The following THSD7A variants were observed in gnomAD, a reference collection of about 807,000 sequenced individuals.
The protein encoded by THSD7A is thrombospondin type-1 domain-containing protein 7A.
A neutral mutation model predicts 231.3 loss-of-function variants in THSD7A; 96 were observed. The ratio of observed to expected loss-of-function variants is 0.41; its 90% CI spans 0.35 to 0.49. THSD7A has a LOEUF of 0.49. Among genes scored for constraint, THSD7A ranks in the 20% least tolerant of loss-of-function variants. The pLI, the probability that THSD7A is intolerant of heterozygous loss-of-function variation, is 0.05. For synonymous variants in THSD7A, 940 were observed against 743.3 expected (o/e 1.26, Z -4.30); for missense variants, 2,290 against 2,070.2 (o/e 1.11, Z -2.06).
At chr7:11,482,835 G>A (rs932467452) in intron 6 of THSD7A, among the ~76,000 whole-genome samples, 6 of 152,100 alleles carry the variant, frequency 3.9e-5, no homozygotes, top group African/African-American at 9.7e-5. Context: ...TGCTGAATGC[G>A]TGAAATGAGA....
chr7:11,828,568 G>A (rs1030717257), intron 1 of THSD7A, among the ~76,000 whole-genome samples: 2 of 152,204 alleles, frequency 1.3e-5, no homozygotes, highest in Admixed American at 1.3e-4. Flanking sequence ...ATCTCCTAAA[G>A]CCTGTAATCA....
Position 11,370,720 on chromosome 7 carries a change from T to C in THSD7A, c.*5074A>G, listed in dbSNP as rs1016298351. On this transcript the variant is annotated 3_prime_UTR_variant, in exon 28 of 28. Transcript: ENST00000423059. The stretch of plus-strand genomic sequence containing the variant: ...CCTCCTTATTTAAACAAAATAAATA[T>C]TCAGGTAGTTAAATTAACATAAAAT... 2.0e-5 allele frequency: 3 copies of C among 152,124 alleles called. No individual in the cohort carries two copies. Among genetic ancestry groups the C allele is most frequent in the Non-Finnish European group, 4.4e-5 (3 of 67,990 alleles). 9.4% of individuals were successfully genotyped at this position (152,124 alleles called of 1,614,324 possible). A position where few individuals can be genotyped will look rare whatever the true frequency, so the allele number is the denominator to read the frequency against.
At position 11,406,657 on chromosome 7, in the gene THSD7A, A is replaced by G. The variant is rs1477821412; in HGVS notation, c.4063-183T>C. ...GCATACATTGAACAATTTGTTTCCT[A>G]GCTAAAGACAGGAAAATAAATTTTC... On this transcript the variant is annotated intron_variant, in intron 21 of 27. Transcript: ENST00000423059. This position sits in a 1 kb window ranked among gnomAD's most constrained non-coding sequence, Gnocchi z 4.7. Among the ~76,000 whole-genome samples, 3 of 152,244 alleles carry G rather than the reference A, an allele frequency of 2.0e-5. No homozygotes were observed. Among genetic ancestry groups the G allele is most frequent in the Admixed American group, 6.5e-5 (1 of 15,288 alleles).
chr7:11,782,806 T>G (rs182078460), intron 1 of THSD7A, among the ~76,000 whole-genome samples: 162 of 152,308 alleles, frequency 1.1e-3, no homozygotes, highest in African/African-American at 3.8e-3. Context: ...TTAGGGACTT[T>G]GCAATTTTTC....
intron 1 of THSD7A, among the ~76,000 whole-genome samples, chr7:11,691,410 G>T (rs1333306910): frequency 1.3e-5 from 2 of 151,444 alleles, no homozygotes; most frequent in African/African-American, 4.8e-5. Context: ...TGTTAGTGGA[G>T]ACTTCTTGAT....
At position 11,735,289 on chromosome 7, in the gene THSD7A, G is replaced by A. The variant is rs565963390; in HGVS notation, c.190+96468C>T. Among the ~76,000 whole-genome samples, 3 of 151,866 alleles carry A rather than the reference G, an allele frequency of 2.0e-5. No individual in the cohort carries two copies. The East Asian group carries it at 5.8e-4, about 30-fold the overall frequency. On this transcript the variant is annotated intron_variant, in intron 1 of 27. Transcript: ENST00000423059. ...ACATTTTACCCGTATATTAAAGAGA[G>A]GAGGGAACAATATAATTACAGGTTG...
intron 1 of THSD7A, among the ~76,000 whole-genome samples, chr7:11,674,255 GC>G (rs1783542875): frequency 6.6e-6 from 1 of 151,992 alleles, no homozygotes; most frequent in African/African-American, 2.4e-5. Context: ...CATCTCTCAC[GC>G]CCTGCCTCCC....
At chr7:11,445,650 T>C (rs1784943663) in intron 13 of THSD7A, among the ~76,000 whole-genome samples, 1 of 152,034 alleles carries the variant, frequency 6.6e-6, no homozygotes, top group African/African-American at 2.4e-5. Context: ...ATCTTGCCAG[T>C]TTAGGTGTTA....
At position 11,426,682 on chromosome 7, in the gene THSD7A, G is replaced by A; in HGVS notation, c.3244-11C>T. ...AGTTCTTACCTGTGCCTGGAGTGGT[G>A]TTCAACAGGAATGATGAAAAGGGAG... On this transcript the variant is annotated splice_polypyrimidine_tract_variant and intron_variant, in intron 14 of 27. Coordinates refer to ENST00000423059, the MANE Select transcript of THSD7A (RefSeq NM_015204.3). 1 of 1,561,200 alleles carries A rather than the reference G, an allele frequency of 6.4e-7. No individual in the cohort carries two copies. The highest frequency in any genetic ancestry group is 8.6e-7 in the Non-Finnish European group (1 of 1,159,756).
chr7:11,560,792 T>C (rs1790045374), intron 4 of THSD7A, among the ~76,000 whole-genome samples: 1 of 142,808 alleles, frequency 7.0e-6, no homozygotes, highest in South Asian at 2.2e-4. Flanking sequence ...GGTGTGTTCC[T>C]GGTGGTTTGT....
At chr7:11,651,349 G>T (rs964595024) in intron 1 of THSD7A, among the ~76,000 whole-genome samples, 2 of 152,000 alleles carry the variant, frequency 1.3e-5, no homozygotes. Flanking sequence ...AAGAATTCTA[G>T]AAATGGATAG....
At chr7:11,587,282 C>T (rs1779947622) in intron 4 of THSD7A, among the ~76,000 whole-genome samples, 2 of 152,164 alleles carry the variant, frequency 1.3e-5, no homozygotes, top group African/African-American at 4.8e-5. Flanking sequence ...ATAAGCTGGA[C>T]ATTCTTCACA....
At chr7:11,660,492 T>A (rs1436104867) in intron 1 of THSD7A, among the ~76,000 whole-genome samples, 1 of 151,268 alleles carries the variant, frequency 6.6e-6, no homozygotes, top group Non-Finnish European at 1.5e-5. Flanking sequence ...AATAGAAGTG[T>A]AACACCCAAG....
intron 1 of THSD7A, among the ~76,000 whole-genome samples, chr7:11,736,668 G>A (rs1035191503): frequency 1.3e-5 from 2 of 151,764 alleles, no homozygotes; most frequent in African/African-American, 4.8e-5. Flanking sequence ...TAAAATAAAG[G>A]GCTAAGCATA....
intron 4 of THSD7A, among the ~76,000 whole-genome samples, chr7:11,553,264 G>T (rs73288843): frequency 0.024 from 3,583 of 152,122 alleles, 120 homozygotes; most frequent in African/African-American, 0.082. Context: ...AGGAAACAGG[G>T]AAGAATACCT....
intron 13 of THSD7A, among the ~76,000 whole-genome samples, chr7:11,443,899 A>C (rs1186649765): frequency 6.6e-6 from 1 of 152,110 alleles, no homozygotes; most frequent in Non-Finnish European, 1.5e-5. Context: ...GTGATAAGGT[A>C]ACAACAAAAG....
intron 1 of THSD7A, among the ~76,000 whole-genome samples, chr7:11,764,269 T>C (rs2128169231): frequency 6.6e-6 from 1 of 152,202 alleles, no homozygotes; most frequent in East Asian, 1.9e-4. Context: ...AAATAGTCTA[T>C]AGTATAAAAA....
chr7:11,812,635 T>C (rs774696638), intron 1 of THSD7A, among the ~76,000 whole-genome samples: 2 of 152,202 alleles, frequency 1.3e-5, no homozygotes, highest in African/African-American at 4.8e-5. Context: ...AAATATTAAA[T>C]GCAAACTTCA....
chr7:11,443,534 T>C (rs565728172), intron 13 of THSD7A, among the ~76,000 whole-genome samples: 86 of 152,210 alleles, frequency 5.7e-4, no homozygotes, highest in African/African-American at 1.9e-3. Context: ...CAGCAATGCA[T>C]GTATATTAAC....
Sources: gnomAD v4.1 joint callset for allele counts (sites outside exome capture counted in the v4.1 genomes callset) on GRCh38, gnomAD v4.1.1 for gene constraint, Gnocchi (gnomAD v3.1) non-coding constraint, MANE v1.5 for transcripts, NCBI Gene and HGNC (gene_info 2026-07-23, HGNC 2026-07-21) for gene names.